BCR: variants seen among roughly 807,000 people sequenced by gnomAD.
BCR encodes the protein breakpoint cluster region protein.
BCR carries 58 observed loss-of-function variants against 138.6 expected under a neutral mutation model. The observed-to-expected ratio is 0.42, with a 90% CI of 0.34 to 0.52. The LOEUF is 0.52. BCR is among the 20% of genes least tolerant of loss of function. The pLI is 0.06. For synonymous variants in BCR, 786 were observed against 730.1 expected, an observed-to-expected ratio of 1.08 and a Z score of -1.23; for missense variants, 1,599 against 1,727.2, an observed-to-expected ratio of 0.93 and a Z score of 1.32.
intron 16 of BCR, 26 bp downstream of exon 16, chr22:23,295,181 C>G: frequency 1.3e-6 from 2 of 1,589,888 alleles, no homozygotes; most frequent in Non-Finnish European, 1.7e-6. Context: ...CTACCCTCCC[C>G]TGCCCGATGC....
At chr22:23,196,608 G>T (rs1000264369) in intron 1 of BCR, among the ~76,000 whole-genome samples, 3 of 152,162 alleles carry the variant, frequency 2.0e-5, no homozygotes, top group Admixed American at 6.5e-5. Flanking sequence ...TTTCATGGAA[G>T]AAATTTTTCC....
chr22:23,254,632 G>A (rs1474220554), intron 2 of BCR: 4 of 517,312 alleles, frequency 7.7e-6, no homozygotes, highest in African/African-American at 7.7e-5. Flanking sequence ...GGACCGCCCG[G>A]CCCTGCATGA....
intron 8 of BCR, among the ~76,000 whole-genome samples, chr22:23,283,015 G>A (rs2073666158): frequency 6.6e-6 from 1 of 152,180 alleles, no homozygotes; most frequent in African/African-American, 2.4e-5. Context: ...GTGGGGATTG[G>A]GTCAAATAAT....
intron 1 of BCR, among the ~76,000 whole-genome samples, chr22:23,190,411 G>C (rs2072399106): frequency 6.6e-6 from 1 of 151,906 alleles, no homozygotes; most frequent in South Asian, 2.1e-4. Flanking sequence ...TAGGTGATCC[G>C]CCCTCCTCGG....
chr22:23,268,975 C>T (rs1265224701), intron 5 of BCR, among the ~76,000 whole-genome samples: 1 of 152,254 alleles, frequency 6.6e-6, no homozygotes, highest in Non-Finnish European at 1.5e-5. Context: ...GCTCATGGCA[C>T]CTGTGCTCTG....
chr22:23,185,447 C>A (rs1473769423), intron 1 of BCR, among the ~76,000 whole-genome samples: 1 of 152,102 alleles, frequency 6.6e-6, no homozygotes, highest in Non-Finnish European at 1.5e-5. Context: ...GGGTGGATCA[C>A]AAGGGCAGGA....
intron 8 of BCR, among the ~76,000 whole-genome samples, chr22:23,278,120 G>T (rs914050684): frequency 2.6e-5 from 4 of 152,220 alleles, no homozygotes; most frequent in Non-Finnish European, 5.9e-5. Flanking sequence ...TTCCCACGTG[G>T]TTGCCTCTCT....
At chr22:23,251,969 G>A (rs1211783967) in intron 1 of BCR, among the ~76,000 whole-genome samples, 1 of 152,318 alleles carries the variant, frequency 6.6e-6, no homozygotes, top group Middle Eastern at 3.4e-3. Flanking sequence ...CTAAGGCCTT[G>A]GAAACACGTG....
chr22:23,222,216 G>C (rs779195560), intron 1 of BCR, among the ~76,000 whole-genome samples: 2 of 152,194 alleles, frequency 1.3e-5, no homozygotes, highest in Non-Finnish European at 2.9e-5. Context: ...TACATCCACA[G>C]TGCCTAAAAC....
intron 2 of BCR, 192 bp from the exon 3 acceptor site, chr22:23,260,758 T>A (rs2073347317): frequency 1.7e-6 from 1 of 574,792 alleles, no homozygotes. Flanking sequence ...TCCCCGGGAT[T>A]CTCAGTGACT....
At chr22:23,194,206 A>G (rs1229895588) in intron 1 of BCR, among the ~76,000 whole-genome samples, 2 of 152,212 alleles carry the variant, frequency 1.3e-5, no homozygotes, top group Non-Finnish European at 2.9e-5. Context: ...TTGACTTCCA[A>G]AAGCTTTCCA....
chr22:23,267,928 T>C (rs1291245039), intron 4 of BCR, among the ~76,000 whole-genome samples: 1 of 152,238 alleles, frequency 6.6e-6, no homozygotes, highest in Admixed American at 6.5e-5. Context: ...GGCTCTCTTC[T>C]GCAAAGACGG....
intron 16 of BCR, among the ~76,000 whole-genome samples, chr22:23,303,595 G>A (rs1012523720): frequency 6.6e-6 from 1 of 152,236 alleles, no homozygotes; most frequent in African/African-American, 2.4e-5. Context: ...GGGGTCTCTT[G>A]CAGCAGGAAC....
At chr22:23,272,388 G>C (rs183291587) in intron 6 of BCR, among the ~76,000 whole-genome samples, 2 of 152,208 alleles carry the variant, frequency 1.3e-5, no homozygotes, top group African/African-American at 2.4e-5. Flanking sequence ...CCTTATGCTG[G>C]TTGTGGGAGT....
In BCR at chr22:23,315,699, C is replaced by G. The variant is rs1210885874; in HGVS notation, c.*177C>G. 23 of 706,536 alleles carry G rather than the reference C, an allele frequency of 3.3e-5. No homozygotes were observed. The East Asian group carries it at 5.4e-4, about 16-fold the overall frequency. 43.8% of individuals were successfully genotyped at this position (706,536 alleles called of 1,614,324 possible). ...ACAGGTGGCCTGGAAAGATCCCGCCCAGGTCTGGGAGCCCCAGGCTGGCCT... is the reference window on the plus strand; with the variant it reads ...ACAGGTGGCCTGGAAAGATCCCGCCGAGGTCTGGGAGCCCCAGGCTGGCCT... On this transcript the variant is annotated 3_prime_UTR_variant, in exon 23 of 23. Coordinates refer to ENST00000305877, the MANE Select transcript of BCR (RefSeq NM_004327.4).
At chr22:23,245,884 G>A (rs535338964) in intron 1 of BCR, among the ~76,000 whole-genome samples, 52 of 152,050 alleles carry the variant, frequency 3.4e-4, no homozygotes, top group African/African-American at 1.1e-3. Flanking sequence ...GTGGCTTTTA[G>A]TGCCTTCACA....
chr22:23,199,465 G>A (rs547471755), intron 1 of BCR: 15 of 386,362 alleles, frequency 3.9e-5, no homozygotes, highest in South Asian at 2.8e-4. Context: ...GCTGGGAGAG[G>A]TGCTTTGTTT....
intron 1 of BCR, among the ~76,000 whole-genome samples, chr22:23,207,601 C>G (rs546326769): frequency 6.6e-6 from 1 of 152,036 alleles, no homozygotes; most frequent in Non-Finnish European, 1.5e-5. Flanking sequence ...CTAGCCTGGG[C>G]GACAGAGACA....
At chr22:23,274,367 C>T (rs879495525) in intron 8 of BCR, among the ~76,000 whole-genome samples, 9 of 152,210 alleles carry the variant, frequency 5.9e-5, no homozygotes, top group East Asian at 1.9e-4. Context: ...GTGCCTGTGC[C>T]GCTCTGAGCC....
Sources: gnomAD v4.1 joint callset for allele counts (sites outside exome capture counted in the v4.1 genomes callset) on GRCh38, gnomAD v4.1.1 for gene constraint, MANE v1.5 for transcripts, NCBI Gene and HGNC (gene_info 2026-07-23, HGNC 2026-07-21) for gene names.